Variants in ZFR observed in about 807,000 individuals in gnomAD.
ZFR encodes the protein zinc finger RNA-binding protein.
ZFR carries 19 observed loss-of-function variants against 130.7 expected under a neutral mutation model. That is an observed-to-expected ratio of 0.15 (90% confidence interval 0.10 to 0.21). ZFR has a LOEUF of 0.21. Among genes scored for constraint, ZFR ranks in the 10% least tolerant of loss-of-function variants. The pLI is 1.00. For synonymous variants in ZFR, 466 were observed against 456.9 expected, an observed-to-expected ratio of 1.02 and a Z score of -0.25; for missense variants, 872 against 1,321.5, an observed-to-expected ratio of 0.66 and a Z score of 5.27.
At chr5:32,358,388 C>T (rs1239129655) in intron 19 of ZFR, among the ~76,000 whole-genome samples, 2 of 152,044 alleles carry the variant, frequency 1.3e-5, no homozygotes, top group East Asian at 1.9e-4. Flanking sequence ...AGGCCGGGCG[C>T]GGTGGCGCAA....
intron 11 of ZFR, among the ~76,000 whole-genome samples, chr5:32,392,527 C>T (rs553150343): frequency 4.3e-4 from 66 of 152,186 alleles, no homozygotes; most frequent in African/African-American, 1.5e-3. Flanking sequence ...AAGCAATTTA[C>T]CACAAAAGAA....
At position 32,407,161 on chromosome 5, in the gene ZFR, C is replaced by G. The variant is rs1753596368; in HGVS notation, c.785-140G>C. On this transcript the variant is annotated intron_variant, in intron 5 of 19. Coordinates refer to ENST00000265069, the MANE Select transcript of ZFR (RefSeq NM_016107.5). ...ATTTACAAACGTATATCTCACAGAA[C>G]CAGAAAAAAGCTTATTTTCCTTCTA... is the stretch of plus-strand genomic sequence containing the variant. 1.0e-5 allele frequency: 8 copies of G among 765,106 alleles called. No homozygotes were observed. In the South Asian group the frequency reaches 1.9e-4, roughly 18 times the overall value. The allele number at this position is 765,106 out of a possible 1,614,324, so 47.4% of individuals were successfully genotyped here.
intron 1 of ZFR, 94 bp from the exon 2 acceptor site, chr5:32,444,422 C>T (rs369834727): frequency 1.1e-5 from 15 of 1,409,022 alleles, no homozygotes; most frequent in Middle Eastern, 4.9e-4. Context: ...AAGAGAGAGG[C>T]GCCGTGAGAG....
chr5:32,424,050 A>C (rs1439949436), intron 2 of ZFR, among the ~76,000 whole-genome samples: 1 of 152,194 alleles, frequency 6.6e-6, no homozygotes, highest in Non-Finnish European at 1.5e-5. Context: ...TAAACCAAGA[A>C]AACATGGGAT....
At position 32,355,731 on chromosome 5, in the gene ZFR, T is replaced by C. The variant is rs754382305; in HGVS notation, c.*29A>G. On this transcript the variant is annotated 3_prime_UTR_variant, in exon 20 of 20. Coordinates refer to ENST00000265069, the MANE Select transcript of ZFR (RefSeq NM_016107.5). Reference sequence around the variant, plus strand: ...ACAGCCAACAAATGGGCATCTGTTTTTTTAACACTGAAGATTTACAGACAC... The same window carrying C: ...ACAGCCAACAAATGGGCATCTGTTTCTTTAACACTGAAGATTTACAGACAC... 1 of 1,540,650 alleles carries C rather than the reference T, an allele frequency of 6.5e-7. No individual in the cohort carries two copies.
In ZFR at chr5:32,385,604, C is replaced by T. The variant is rs1279265700; in HGVS notation, c.2545G>A (p.Ala849Thr). The T allele has an allele frequency of 4.3e-6, 7 of 1,613,306 alleles. No homozygotes were observed. Residue 849 changes from alanine (A) to threonine (T), a missense_variant, in exon 15 of 20, where the codon GCG (alanine) becomes ACG (threonine). Coordinates refer to ENST00000265069, the MANE Select transcript of ZFR (RefSeq NM_016107.5). Reference sequence around the variant, plus strand: ...ACACATGAATTCAAAATTATTGCCGCTTCAGATACAGCACATTTTATGTCA... The same window carrying T: ...ACACATGAATTCAAAATTATTGCCGTTTCAGATACAGCACATTTTATGTCA... Reference protein sequence around the residue: ...KYDIKCAVSEAAIILNSCVEP... With the variant: ...KYDIKCAVSETAIILNSCVEP...
intron 19 of ZFR, among the ~76,000 whole-genome samples, chr5:32,358,159 C>G (rs1434878317): frequency 1.3e-5 from 2 of 152,176 alleles, no homozygotes; most frequent in Non-Finnish European, 2.9e-5. Context: ...GAGTTTGAGA[C>G]CAGCCTGGCC....
At chr5:32,414,326 A>G (rs966795866) in intron 5 of ZFR, among the ~76,000 whole-genome samples, 2 of 152,362 alleles carry the variant, frequency 1.3e-5, no homozygotes, top group South Asian at 4.1e-4. Flanking sequence ...CTGAGTCTCT[A>G]CAAAAAAGGC....
intron 19 of ZFR, among the ~76,000 whole-genome samples, chr5:32,361,826 T>C (rs1484681737): frequency 6.6e-6 from 1 of 152,076 alleles, no homozygotes; most frequent in Non-Finnish European, 1.5e-5. Context: ...TTTTGCCACG[T>C]TGGTCTCAAA....
At chr5:32,428,923 G>T (rs1488149315) in intron 2 of ZFR, among the ~76,000 whole-genome samples, 1 of 151,100 alleles carries the variant, frequency 6.6e-6, no homozygotes, top group East Asian at 1.9e-4. Flanking sequence ...CAACTTTGGG[G>T]CTACCAAACG....
intron 3 of ZFR, among the ~76,000 whole-genome samples, chr5:32,418,581 C>G (rs908015082): frequency 6.6e-6 from 1 of 151,908 alleles, no homozygotes; most frequent in Non-Finnish European, 1.5e-5. Flanking sequence ...CAGGTAGGGC[C>G]CAGAAAACAC....
intron 15 of ZFR, among the ~76,000 whole-genome samples, chr5:32,384,678 T>C (rs1752996973): frequency 1.3e-5 from 2 of 152,198 alleles, no homozygotes; most frequent in African/African-American, 4.8e-5. Context: ...AAGTAAATTT[T>C]ATCTGACCCA....
At chr5:32,397,556 C>A (rs367709152) in intron 9 of ZFR, among the ~76,000 whole-genome samples, 2 of 151,980 alleles carry the variant, frequency 1.3e-5, no homozygotes, top group African/African-American at 4.8e-5. Context: ...TGGGTTCAAG[C>A]GATTCTCCCG....
chr5:32,390,390 T>C lies in ZFR; in HGVS notation c.2027A>G (p.His676Arg). The C allele has an allele frequency of 6.2e-7, 1 of 1,614,138 alleles. No homozygotes were observed. The change falls in exon 12 of 20, where the codon CAT becomes CGT. Residue 676 changes from histidine (H) to arginine (R), a missense_variant. Physicochemically the swap from His to Arg is conservative, Grantham distance 29. Around this residue, in one of 7 missense-constraint regions of ZFR, gnomAD observed 225 missense variants for 282.4 expected, o/e 0.80. Coordinates refer to ENST00000265069, the MANE Select transcript of ZFR (RefSeq NM_016107.5). ...CATTCGGCGGCGATCATCCCAATGA[T>C]GTTGTTCTTCCTCCATTCTCCTCCA... ...MYWRRMEEEQHHWDDRRRMPD... is the reference protein window; with the variant it reads ...MYWRRMEEEQRHWDDRRRMPD...
At chr5:32,426,099 T>C (rs1289147019) in intron 2 of ZFR, among the ~76,000 whole-genome samples, 2 of 152,072 alleles carry the variant, frequency 1.3e-5, no homozygotes, top group Non-Finnish European at 2.9e-5. Context: ...TAAAATAAGG[T>C]TTATAATTAA....
Position 32,406,869 on chromosome 5 carries a change from G to C in ZFR, c.937C>G (p.Pro313Ala). The C allele has an allele frequency of 6.2e-7, 1 of 1,614,022 alleles. No homozygotes were observed. Among genetic ancestry groups the C allele is most frequent in the Non-Finnish European group, 8.5e-7 (1 of 1,179,970 alleles). Residue 313 changes from proline (P) to alanine (A), a missense_variant, in exon 6 of 20, where the codon CCA becomes GCA. By Grantham distance (27) the Pro-to-Ala change is conservative. Coordinates refer to ENST00000265069, the MANE Select transcript of ZFR (RefSeq NM_016107.5). ...WTGTTFTKKA[P>A]FQNKQLKPKQ... ...GGTTTCAGTTGTTTATTTTGGAATG[G>C]TGCTTTTTTAGTAAAGGTGGTCCCT... is the stretch of plus-strand genomic sequence containing the variant.
intron 14 of ZFR, 122 bp from the exon 15 acceptor site, chr5:32,385,771 T>C (rs1321773185): frequency 1.7e-5 from 17 of 984,248 alleles, no homozygotes; most frequent in Non-Finnish European, 2.5e-5. Flanking sequence ...CCAGATTATA[T>C]ACTGCTCCTT....
intron 5 of ZFR, 25 bp from the exon 6 acceptor site, chr5:32,407,046 AT>A: frequency 6.9e-7 from 1 of 1,442,346 alleles, no homozygotes; most frequent in Non-Finnish European, 9.1e-7. Context: ...TCAAACAAAA[AT>A]TATGTTACAT....
Position 32,444,637 on chromosome 5 carries a change from CTA to C in ZFR, c.20_21del (p.Val7GlyfsTer39). The stretch of plus-strand genomic sequence containing the variant: ...TTAGACTCACCATAGGTGAAAGAAA[CTA>C]CAGGGCATATGGGAATCATGGGCTC... MIPICP[V>X]VSFTYVPSRL... is the part of the protein sequence containing the mutation. On this transcript the variant is annotated frameshift_variant, in exon 1 of 20. Transcript: ENST00000265069. LOFTEE classifies it high-confidence loss of function. The C allele has an allele frequency of 6.6e-7, 1 of 1,508,822 alleles. No individual in the cohort carries two copies. The allele number at this position is 1,508,822 out of a possible 1,614,324, so 93.5% of individuals were successfully genotyped here.
Sources: gnomAD v4.1 joint callset for allele counts (sites outside exome capture counted in the v4.1 genomes callset) on GRCh38, gnomAD v4.1.1 for gene constraint, gnomAD v4.1.1 regional missense constraint, MANE v1.5 for transcripts, NCBI Gene and HGNC (gene_info 2026-07-23, HGNC 2026-07-21) for gene names.